The following ADGRE5 variants were observed in gnomAD, a reference collection of about 807,000 sequenced individuals.
ADGRE5 encodes the protein adhesion G protein-coupled receptor E5, also known as CD97 molecule.
ADGRE5 carries 72 observed loss-of-function variants against 100.3 expected under a neutral mutation model. That is an observed-to-expected ratio of 0.72 (90% confidence interval 0.59 to 0.87). ADGRE5 has a LOEUF of 0.87. ADGRE5 is among the 40% of genes least tolerant of loss of function. The pLI is 0.00. For missense variants in ADGRE5, 959 were observed against 1,094.7 expected, an observed-to-expected ratio of 0.88 and a Z score of 1.75; for synonymous variants, 439 against 447.8, an observed-to-expected ratio of 0.98 and a Z score of 0.25.
chr19:14,393,154 T>C (rs1975659796), intron 4 of ADGRE5, among the ~76,000 whole-genome samples: 2 of 151,146 alleles, frequency 1.3e-5, no homozygotes, highest in Non-Finnish European at 2.9e-5. Flanking sequence ...TGAGCCGATA[T>C]TGCGCCACTA....
chr19:14,402,520 C>A, intron 11 of ADGRE5, 77 bp from the exon 12 acceptor site: 1 of 1,497,690 alleles, frequency 6.7e-7, no homozygotes. Context: ...TGAGCCTGAG[C>A]TGGGTCATCT....
rs548539742 is a variant in ADGRE5, at chr19:14,407,256, G to A, written c.2376+27G>A. The A allele has an allele frequency of 7.2e-5, 116 of 1,612,672 alleles. 1 individual carries two copies. In the South Asian group the frequency reaches 1.0e-3, roughly 14 times the overall value. ...TGGGGGCCTGGGCACAGTGGCGCAC[G>A]CCTGTCATCCTCCCACCTATTTGGG... On this transcript the variant is annotated intron_variant, in intron 18 of 19. Coordinates refer to ENST00000242786, the MANE Select transcript of ADGRE5 (RefSeq NM_078481.4).
At chr19:14,405,630 A>T in intron 13 of ADGRE5, 118 bp from the exon 14 acceptor site, 1 of 720,244 alleles carries the variant, frequency 1.4e-6, no homozygotes, top group Non-Finnish European at 2.4e-6. Context: ...TCTAGGAGGG[A>T]CAAGGGAGGA....
intron 4 of ADGRE5, among the ~76,000 whole-genome samples, chr19:14,393,184 G>C (rs1975661385): frequency 6.9e-6 from 1 of 145,470 alleles, no homozygotes; most frequent in East Asian, 2.0e-4. Flanking sequence ...CTGGGCAACA[G>C]AGCGAGACTC....
chr19:14,400,416 C>T (rs769016938), intron 9 of ADGRE5, among the ~76,000 whole-genome samples: 5 of 151,992 alleles, frequency 3.3e-5, no homozygotes, highest in Admixed American at 1.3e-4. Flanking sequence ...AGCCTCCAAA[C>T]GCACTGGAAG....
At chr19:14,407,627 A>G (rs1976321262) in intron 18 of ADGRE5, among the ~76,000 whole-genome samples, 1 of 144,944 alleles carries the variant, frequency 6.9e-6, no homozygotes. Flanking sequence ...GGTGACAGTG[A>G]GACTTGTCTC....
In ADGRE5 at chr19:14,408,554, T is replaced by C. The variant is rs1396753664; in HGVS notation, c.*433T>C. ...GCTAAGACTGATGTCAGAGGCCCCA[T>C]GGCGAGGCCCCTTGGGGCCACTGCC... On this transcript the variant is annotated 3_prime_UTR_variant, in exon 20 of 20. Coordinates refer to ENST00000242786, the MANE Select transcript of ADGRE5 (RefSeq NM_078481.4). 4 of 423,828 alleles carry C rather than the reference T, an allele frequency of 9.4e-6. No individual in the cohort carries two copies. The highest frequency in any genetic ancestry group is 4.1e-5 in the South Asian group (1 of 24,642). The allele number at this position is 423,828 out of a possible 1,614,324, so 26.3% of individuals were successfully genotyped here.
At chr19:14,407,252 G>C in intron 18 of ADGRE5, 23 bp downstream of exon 18, 1 of 1,612,358 alleles carries the variant, frequency 6.2e-7, no homozygotes, top group Non-Finnish European at 8.5e-7. Flanking sequence ...GCACAGTGGC[G>C]CACGCCTGTC....
In ADGRE5 at chr19:14,406,461, G is replaced by A. The variant is rs1387897198; in HGVS notation, c.1952G>A (p.Ser651Asn). Residue 651 changes from serine (S) to asparagine (N), a missense_variant, in exon 15 of 20, where the codon AGT becomes AAT. Ser to Asn is a conservative substitution (Grantham distance 46). Transcript: ENST00000242786. The surrounding 1 kb of genome is among the most constrained non-coding windows in gnomAD (Gnocchi z 6.0). ...VVRVFQGQGLSTRWLCLIGYG... is the reference protein window; with the variant it reads ...VVRVFQGQGLNTRWLCLIGYG... ...CGCGTGTTCCAAGGCCAGGGCCTGAGTACGCGCTGGCTCTGCCTGATCGGC... is the reference window on the plus strand; with the variant it reads ...CGCGTGTTCCAAGGCCAGGGCCTGAATACGCGCTGGCTCTGCCTGATCGGC... 6.4e-7 allele frequency: 1 copy of A among 1,570,824 alleles called. No individual in the cohort carries two copies. Among genetic ancestry groups the A allele is most frequent in the Non-Finnish European group, 8.6e-7 (1 of 1,158,060 alleles).
intron 9 of ADGRE5, among the ~76,000 whole-genome samples, chr19:14,398,928 A>G (rs149467595): frequency 5.1e-4 from 78 of 151,556 alleles, no homozygotes; most frequent in African/African-American, 1.8e-3. Context: ...TGCAGCCTCA[A>G]TCTCCCAGGC....
At chr19:14,387,525 G>A (rs953716714) in intron 1 of ADGRE5, among the ~76,000 whole-genome samples, 9 of 150,920 alleles carry the variant, frequency 6.0e-5, no homozygotes, top group African/African-American at 2.0e-4. Context: ...TCAGGAGATC[G>A]AGACCATACT....
intron 4 of ADGRE5, among the ~76,000 whole-genome samples, chr19:14,395,145 A>G (rs972500356): frequency 6.6e-6 from 1 of 152,230 alleles, no homozygotes; most frequent in South Asian, 2.1e-4. Flanking sequence ...TACTAAAAAT[A>G]CAAAAATTAG....
At chr19:14,388,315 T>C in intron 1 of ADGRE5, 135 bp from the exon 2 acceptor site, 2 of 1,474,414 alleles carry the variant, frequency 1.4e-6, no homozygotes, top group Non-Finnish European at 1.8e-6. Context: ...GGACATGACA[T>C]CTGCTCACTC....
In ADGRE5 at chr19:14,407,064, G is replaced by A. The variant is rs757577314; in HGVS notation, c.2211G>A (p.Ala737=). 6.8e-6 allele frequency: 11 copies of A among 1,613,942 alleles called. No individual in the cohort carries two copies. The highest frequency in any genetic ancestry group is 4.0e-5 in the African/African-American group (3 of 74,934). Residue 737 remains alanine, a synonymous_variant, in exon 18 of 20, where the codon GCG becomes GCA. Coordinates refer to ENST00000242786, the MANE Select transcript of ADGRE5 (RefSeq NM_078481.4). ...PDMKKLKKAR[A]LTITAIAQLF... is the part of the protein sequence containing the mutation. ...GCTGCAACCCCGCTCCTCGCAGGGC[G>A]CTGACCATCACGGCCATCGCGCAGC... is the stretch of plus-strand genomic sequence containing the variant.
In ADGRE5 at chr19:14,407,949, G is replaced by A. The variant is rs1229107907; in HGVS notation, c.2418G>A (p.Gly806=). ...GGAAGTGGGCCTGCCTAGTTGCTGG[G>A]GGGAGCAAGTACTCAGAATTCACCT... ...EYRKWACLVA[G]GSKYSEFTST... The change falls in exon 19 of 20, where the codon GGG becomes GGA. Residue 806 remains glycine, a synonymous_variant. Transcript: ENST00000242786. 6.2e-7 allele frequency: 1 copy of A among 1,614,162 alleles called. No individual in the cohort carries two copies. The highest frequency in any genetic ancestry group is 2.2e-5 in the East Asian group (1 of 44,884).
rs1711838358 is a variant in ADGRE5, at chr19:14,405,668, T to C, written c.1630-80T>C. On this transcript the variant is annotated intron_variant, in intron 13 of 19. Coordinates refer to ENST00000242786, the MANE Select transcript of ADGRE5 (RefSeq NM_078481.4). ...TCAGAGAGGTGGGCCCGTCAAAGTG[T>C]GGGGGGGAAAAGGGACCACAAAGAG... 2.9e-6 allele frequency: 3 copies of C among 1,040,620 alleles called. 1 individual carries two copies. In the Admixed American group the frequency reaches 6.2e-5, roughly 22 times the overall value. 64.5% of individuals were successfully genotyped at this position (1,040,620 alleles called of 1,614,324 possible).
At chr19:14,398,694 A>AAAAGAGCC (rs1383485891) in intron 9 of ADGRE5, among the ~76,000 whole-genome samples, 1 of 150,588 alleles carries the variant, frequency 6.6e-6, no homozygotes, top group African/African-American at 2.4e-5. Flanking sequence ...AAAAAAAAAA[A>AAAAGAGCC]AAAGAGCCTG....
intron 3 of ADGRE5, among the ~76,000 whole-genome samples, chr19:14,389,377 G>A (rs1975509801): frequency 1.1e-5 from 1 of 87,170 alleles, no homozygotes; most frequent in Non-Finnish European, 2.2e-5. Flanking sequence ...GGGAGACGGG[G>A]AAGGGGAGGG....
Position 14,407,145 on chromosome 19 carries a change from C to T in ADGRE5, c.2292C>T (p.Ser764=). 1 of 1,614,162 alleles carries T rather than the reference C, an allele frequency of 6.2e-7. No individual in the cohort carries two copies. The highest frequency in any genetic ancestry group is 8.5e-7 in the Non-Finnish European group (1 of 1,180,038). ...VFGLFIFDDR[S]LVLTYVFTIL... is the part of the protein sequence containing the mutation. ...GCCTGTTCATCTTCGACGATCGGAG[C>T]TTGGTGCTGACCTATGTGTTTACCA... is the stretch of plus-strand genomic sequence containing the variant. Residue 764 remains serine, a synonymous_variant, in exon 18 of 20, where the codon AGC becomes AGT. Coordinates refer to ENST00000242786, the MANE Select transcript of ADGRE5 (RefSeq NM_078481.4).
Sources: gnomAD v4.1 joint callset for allele counts (sites outside exome capture counted in the v4.1 genomes callset) on GRCh38, gnomAD v4.1.1 for gene constraint, Gnocchi (gnomAD v3.1) non-coding constraint, MANE v1.5 for transcripts, NCBI Gene and HGNC (gene_info 2026-07-23, HGNC 2026-07-21) for gene names.